AKAP10: variants seen among roughly 807,000 people sequenced by gnomAD.
AKAP10 encodes the protein A-kinase anchoring protein 10.
A neutral mutation model predicts 80.8 loss-of-function variants in AKAP10; 24 were observed. The observed-to-expected ratio is 0.30, with a 90% CI of 0.22 to 0.42. AKAP10 has a LOEUF of 0.42. Among genes scored for constraint, AKAP10 ranks in the 10% least tolerant of loss-of-function variants. The pLI, the probability that AKAP10 is intolerant of heterozygous loss-of-function variation, is 1.00. For synonymous variants in AKAP10, 291 were observed against 277.7 expected (o/e 1.05, Z -0.48); for missense variants, 661 against 794.9 (o/e 0.83, Z 2.03).
intron 12 of AKAP10, among the ~76,000 whole-genome samples, chr17:19,918,430 A>C (rs2042773974): frequency 6.6e-6 from 1 of 152,090 alleles, no homozygotes; most frequent in Admixed American, 6.5e-5. Flanking sequence ...GCTACTCAGG[A>C]GCCTGAGGCA....
chr17:19,966,786 T>A (rs1024317259), intron 2 of AKAP10, among the ~76,000 whole-genome samples: 1 of 122,874 alleles, frequency 8.1e-6, no homozygotes, highest in South Asian at 2.4e-4. Flanking sequence ...AGTGGAAGAC[T>A]GGTGTTCTCA....
chr17:19,958,310 G>A lies in AKAP10; in HGVS notation c.581C>T (p.Thr194Ile), dbSNP rs1246909948. 6.2e-7 allele frequency: 1 copy of A among 1,614,206 alleles called. No individual in the cohort carries two copies. Among genetic ancestry groups the A allele is most frequent in the Non-Finnish European group, 8.5e-7 (1 of 1,180,028 alleles). Residue 194 changes from threonine (T) to isoleucine (I), a missense_variant, in exon 4 of 15, where the codon ACT becomes ATT. Transcript: ENST00000225737. ...EPVSPSKKHE[T>I]TASFLTDSLD... ...AGAATCAGTTAAAAAAGACGCTGTA[G>A]TTTCATGCTTTTTAGATGGAGAGAC...
At chr17:19,954,143 TAA>T (rs1567770735) in intron 4 of AKAP10, among the ~76,000 whole-genome samples, 2 of 151,982 alleles carry the variant, frequency 1.3e-5, no homozygotes, top group Middle Eastern at 3.2e-3. Context: ...AAAATGGAAA[TAA>T]GAGTAAAAAT....
chr17:19,946,230 A>ATTT (rs2043111051), intron 5 of AKAP10, among the ~76,000 whole-genome samples: 1 of 17,304 alleles, frequency 5.8e-5, no homozygotes, highest in African/African-American at 2.4e-4. Flanking sequence ...TTTTATATAT[A>ATTT]TATATATTAT....
chr17:19,917,698 G>A (rs751669449), intron 12 of AKAP10, among the ~76,000 whole-genome samples: 1 of 152,124 alleles, frequency 6.6e-6, no homozygotes, highest in Non-Finnish European at 1.5e-5. Context: ...ACTTTGGGAG[G>A]CCAAGGTGGG....
Position 19,906,158 on chromosome 17 carries a change from A to G in AKAP10, c.*69T>C, listed in dbSNP as rs2042629796. ...GTGCTGTTTTCATTGGCTGTGTTGA[A>G]GAATCCAACCAAGGGAAAAAAGTTC... On this transcript the variant is annotated 3_prime_UTR_variant, in exon 15 of 15. Transcript: ENST00000225737. 6.6e-7 allele frequency: 1 copy of G among 1,522,356 alleles called. No homozygotes were observed. The highest frequency in any genetic ancestry group is 1.4e-5 in the African/African-American group (1 of 72,646). The allele number at this position is 1,522,356 out of a possible 1,614,324, so 94.3% of individuals were successfully genotyped here.
intron 3 of AKAP10, among the ~76,000 whole-genome samples, chr17:19,961,738 G>T (rs2043351989): frequency 6.6e-6 from 1 of 152,110 alleles, no homozygotes; most frequent in Non-Finnish European, 1.5e-5. Flanking sequence ...TAATATAACG[G>T]ATTTTACCAT....
At position 19,951,115 on chromosome 17, in the gene AKAP10, G is replaced by A. The variant is rs528613403; in HGVS notation, c.878-3610C>T. ...AAGTGAGGAGCCCCTCAGCCCGGCA[G>A]CCGCCCCGTCCGGGAGGGAGGTGGG... On this transcript the variant is annotated intron_variant, in intron 4 of 14. Transcript: ENST00000225737. 1.3e-4 allele frequency among the ~76,000 whole-genome samples: 20 copies of A among 149,508 alleles called. No individual in the cohort carries two copies. The South Asian group carries it at 3.8e-3, about 29-fold the overall frequency.
chr17:19,951,842 A>G (rs2043218225), intron 4 of AKAP10, among the ~76,000 whole-genome samples: 1 of 151,396 alleles, frequency 6.6e-6, no homozygotes, highest in South Asian at 2.1e-4. Flanking sequence ...CTATTGTCCT[A>G]TGACCCTGCC....
chr17:19,975,530 C>T (rs1267725410), intron 1 of AKAP10, among the ~76,000 whole-genome samples: 1 of 152,184 alleles, frequency 6.6e-6, no homozygotes, highest in Non-Finnish European at 1.5e-5. Context: ...AGGTCACCTG[C>T]TGAGTCCTCT....
intron 2 of AKAP10, among the ~76,000 whole-genome samples, chr17:19,967,474 CTAAA>C (rs1393121460): frequency 1.1e-4 from 16 of 152,238 alleles, no homozygotes; most frequent in African/African-American, 2.6e-4. Flanking sequence ...TTTTGTCTTA[CTAAA>C]TAAATAAAGT....
intron 1 of AKAP10, among the ~76,000 whole-genome samples, chr17:19,971,741 G>A (rs2043500585): frequency 6.6e-6 from 1 of 152,064 alleles, no homozygotes; most frequent in Non-Finnish European, 1.5e-5. Flanking sequence ...GAACATTCTA[G>A]TACACGTCTT....
At chr17:19,945,901 A>C (rs1286904876) in intron 5 of AKAP10, among the ~76,000 whole-genome samples, 1 of 151,918 alleles carries the variant, frequency 6.6e-6, no homozygotes, top group African/African-American at 2.4e-5. Context: ...TGAATGAATA[A>C]ATAACCTCTT....
intron 9 of AKAP10, among the ~76,000 whole-genome samples, chr17:19,933,006 C>A (rs551525350): frequency 6.6e-6 from 1 of 151,860 alleles, no homozygotes; most frequent in Non-Finnish European, 1.5e-5. Flanking sequence ...GTATTTAATA[C>A]GTGCCTTTGT....
At chr17:19,932,936 T>C (rs1409874629) in intron 9 of AKAP10, among the ~76,000 whole-genome samples, 2 of 152,192 alleles carry the variant, frequency 1.3e-5, no homozygotes, top group Non-Finnish European at 2.9e-5. Context: ...AGTTTGTAAC[T>C]GGACAAGCAA....
At chr17:19,962,806 T>C in intron 3 of AKAP10, 34 bp downstream of exon 3, 1 of 1,592,954 alleles carries the variant, frequency 6.3e-7, no homozygotes, top group Non-Finnish European at 8.6e-7. Flanking sequence ...CAAATCCTTC[T>C]AATACAAGTT....
chr17:19,957,170 T>C (rs573109089), intron 4 of AKAP10, among the ~76,000 whole-genome samples: 2 of 152,212 alleles, frequency 1.3e-5, no homozygotes, highest in Admixed American at 1.3e-4. Flanking sequence ...CTTGTCAAAA[T>C]GCTTCTAGGT....
At chr17:19,909,343 G>C in intron 13 of AKAP10, 67 bp from the exon 14 acceptor site, 1 of 1,371,764 alleles carries the variant, frequency 7.3e-7, no homozygotes, top group South Asian at 1.2e-5. Context: ...CACATACTCA[G>C]TGCTCTTAAC....
At chr17:19,947,145 C>T (rs2043143325) in intron 5 of AKAP10, 3 of 428,228 alleles carry the variant, frequency 7.0e-6, no homozygotes, top group Non-Finnish European at 1.3e-5. Context: ...CGCCCGCCGG[C>T]CCGGCTGCTC....
Sources: gnomAD v4.1 joint callset for allele counts (sites outside exome capture counted in the v4.1 genomes callset) on GRCh38, gnomAD v4.1.1 for gene constraint, MANE v1.5 for transcripts, NCBI Gene and HGNC (gene_info 2026-07-23, HGNC 2026-07-21) for gene names.